The following PACSIN2 variants were observed in gnomAD, a reference collection of about 807,000 sequenced individuals.
The protein encoded by PACSIN2 is protein kinase C and casein kinase substrate in neurons 2.
A neutral mutation model predicts 63.8 loss-of-function variants in PACSIN2; 25 were observed. The observed-to-expected ratio is 0.39, with a 90% confidence interval of 0.29 to 0.55. The LOEUF (loss-of-function observed/expected upper bound fraction) is 0.55, where lower values mean the gene tolerates loss of function less well. PACSIN2 is among the 20% of genes least tolerant of loss of function. The pLI, the probability that PACSIN2 is intolerant of heterozygous loss-of-function variation, is 0.62. For synonymous variants in PACSIN2, 255 were observed against 256.2 expected (o/e 1.00, Z 0.05); for missense variants, 518 against 646.9 (o/e 0.80, Z 2.16).
At chr22:42,919,672 C>T (rs185945154) in intron 1 of PACSIN2, among the ~76,000 whole-genome samples, 191 of 145,606 alleles carry the variant, frequency 1.3e-3, no homozygotes, top group Middle Eastern at 3.8e-3. Context: ...ACTCAGGAGG[C>T]TGAGGCAGGA....
chr22:42,889,006 C>T (rs1039908621), intron 4 of PACSIN2, among the ~76,000 whole-genome samples: 11 of 152,178 alleles, frequency 7.2e-5, no homozygotes, highest in East Asian at 1.9e-4. Flanking sequence ...GTGCATGGTT[C>T]GAGGCACCAG....
chr22:42,885,505 T>C (rs1569220348), intron 5 of PACSIN2, among the ~76,000 whole-genome samples: 2 of 152,092 alleles, frequency 1.3e-5, no homozygotes, highest in Non-Finnish European at 2.9e-5. Flanking sequence ...GTGCAGGGCC[T>C]TCTGAGGAAG....
intron 1 of PACSIN2, among the ~76,000 whole-genome samples, chr22:42,972,332 C>T (rs1921387108): frequency 6.6e-6 from 1 of 152,154 alleles, no homozygotes; most frequent in East Asian, 1.9e-4. Context: ...GTCATCACCA[C>T]TCCCTAAGCT....
chr22:43,004,227 C>G (rs1923946082), intron 1 of PACSIN2, among the ~76,000 whole-genome samples: 1 of 152,178 alleles, frequency 6.6e-6, no homozygotes, highest in African/African-American at 2.4e-5. Context: ...CTTAGGTTTA[C>G]TGATGGATCA....
intron 1 of PACSIN2, among the ~76,000 whole-genome samples, chr22:42,975,387 G>A (rs1195376474): frequency 1.3e-5 from 2 of 151,156 alleles, no homozygotes; most frequent in Non-Finnish European, 2.9e-5. Context: ...GGGAGGCTGA[G>A]GCAGGAGAAT....
chr22:42,958,056 G>GT (rs1035141652), intron 1 of PACSIN2, among the ~76,000 whole-genome samples: 46 of 151,960 alleles, frequency 3.0e-4, no homozygotes, highest in African/African-American at 1.1e-3. Context: ...AAAGCTGAGT[G>GT]TTTGAAAGTG....
Position 42,982,869 on chromosome 22 carries a change from T to TAAAAAAAAAAAAAAAAA in PACSIN2, c.-78+32135_-78+32151dup, listed in dbSNP as rs1252040629. 8.6e-4 allele frequency among the ~76,000 whole-genome samples: 38 copies of TAAAAAAAAAAAAAAAAA among 43,952 alleles called. 2 individuals carry two copies. The highest frequency in any genetic ancestry group is 1.1e-3 in the Non-Finnish European group (23 of 20,338). The allele number at this position is 43,952 out of a possible 152,430, so 28.8% of individuals were successfully genotyped here. On this transcript the variant is annotated intron_variant, in intron 1 of 10. Coordinates refer to ENST00000263246, the MANE Select transcript of PACSIN2 (RefSeq NM_001184970.3). ...GCGAGAAACACCAAAGAATGATCAATAAAAAAAAAAAAAAAAAAAAACAAC... is the reference window on the plus strand; with the variant it reads ...GCGAGAAACACCAAAGAATGATCAATAAAAAAAAAAAAAAAAAAAAAAAAAAAAAAAAAAAAAACAAC...
chr22:42,884,358 T>A, intron 6 of PACSIN2, 28 bp downstream of exon 6: 1 of 1,595,486 alleles, frequency 6.3e-7, no homozygotes, highest in Non-Finnish European at 8.6e-7. Context: ...TTCAATGACG[T>A]GTGTGTTTTA....
intron 1 of PACSIN2, among the ~76,000 whole-genome samples, chr22:42,993,179 A>AAAAAAGG (rs575111984): frequency 2.8e-3 from 429 of 152,286 alleles, no homozygotes; most frequent in Non-Finnish European, 4.9e-3. Flanking sequence ...TCTCAAAAAA[A>AAAAAAGG]AAAAAGGAAG....
intron 1 of PACSIN2, among the ~76,000 whole-genome samples, chr22:42,920,623 T>C (rs915312839): frequency 6.6e-6 from 1 of 152,008 alleles, no homozygotes; most frequent in South Asian, 2.1e-4. Flanking sequence ...CCGCCCATGG[T>C]GGAGGACGTG....
At chr22:42,934,655 G>A (rs1932855524) in intron 1 of PACSIN2, among the ~76,000 whole-genome samples, 1 of 152,128 alleles carries the variant, frequency 6.6e-6, no homozygotes, top group Non-Finnish European at 1.5e-5. Flanking sequence ...CCTCCAAGAA[G>A]CCCCCCACCG....
chr22:42,991,968 T>C (rs1923077702), intron 1 of PACSIN2, among the ~76,000 whole-genome samples: 1 of 152,164 alleles, frequency 6.6e-6, no homozygotes, highest in African/African-American at 2.4e-5. Flanking sequence ...AGATTTTAGC[T>C]GTGACACCAA....
chr22:42,946,096 A>G (rs555299856), intron 1 of PACSIN2, among the ~76,000 whole-genome samples: 1 of 152,376 alleles, frequency 6.6e-6, no homozygotes, highest in South Asian at 2.1e-4. Flanking sequence ...GAACAAATGC[A>G]CAAATGAATT....
At chr22:42,923,426 CTTCT>C (rs886198499) in intron 1 of PACSIN2, among the ~76,000 whole-genome samples, 3 of 152,048 alleles carry the variant, frequency 2.0e-5, no homozygotes, top group African/African-American at 7.2e-5. Flanking sequence ...TCTCCTTCTT[CTTCT>C]TTTTTTTATT....
At chr22:42,991,037 A>C (rs1390427812) in intron 1 of PACSIN2, among the ~76,000 whole-genome samples, 1 of 152,160 alleles carries the variant, frequency 6.6e-6, no homozygotes, top group Non-Finnish European at 1.5e-5. Context: ...AGCAGAAGAA[A>C]GCTCCATCAC....
intron 1 of PACSIN2, among the ~76,000 whole-genome samples, chr22:42,974,889 T>G (rs1450607354): frequency 1.3e-5 from 2 of 152,018 alleles, no homozygotes; most frequent in African/African-American, 4.8e-5. Context: ...TGGGAATTAG[T>G]CCTCTTTTCC....
chr22:42,983,266 G>C (rs539885725), intron 1 of PACSIN2, among the ~76,000 whole-genome samples: 1 of 146,172 alleles, frequency 6.8e-6, no homozygotes, highest in Non-Finnish European at 1.5e-5. Flanking sequence ...GCAGTGAGTC[G>C]ACAATGTGCC....
At chr22:42,918,215 A>T (rs1181237439) in intron 1 of PACSIN2, among the ~76,000 whole-genome samples, 2 of 152,196 alleles carry the variant, frequency 1.3e-5, no homozygotes, top group East Asian at 3.9e-4. Context: ...TCAACCTCAT[A>T]GGGAGTCCAA....
intron 1 of PACSIN2, among the ~76,000 whole-genome samples, chr22:42,953,390 G>T (rs1933783121): frequency 6.6e-6 from 1 of 152,076 alleles, no homozygotes; most frequent in African/African-American, 2.4e-5. Context: ...ACAGCCAATA[G>T]AAATTACAGG....
Sources: allele counts gnomAD v4.1 joint callset (sites outside exome capture counted in the v4.1 genomes callset), GRCh38; gene constraint gnomAD v4.1.1; transcripts MANE v1.5; gene names NCBI Gene and HGNC (gene_info 2026-07-23, HGNC 2026-07-21).